Variants in STRADA observed in about 807,000 individuals in gnomAD.
STRADA encodes STE20 related adaptor alpha, also known as STE20-related kinase adapter protein alpha.
A neutral mutation model predicts 55.0 loss-of-function variants in STRADA; 26 were observed. The ratio of observed to expected loss-of-function variants is 0.47; its 90% CI spans 0.35 to 0.66. STRADA has a LOEUF of 0.66. STRADA is among the 30% of genes least tolerant of loss of function. The pLI, the probability that STRADA is intolerant of heterozygous loss-of-function variation, is 0.01. For missense variants in STRADA, 443 were observed against 549.7 expected (o/e 0.81, Z 1.94); for synonymous variants, 197 against 210.9 (o/e 0.93, Z 0.57).
At chr17:63,726,836 GT>G in intron 2 of STRADA, 141 bp from the exon 3 acceptor site, 1 of 743,578 alleles carries the variant, frequency 1.3e-6, no homozygotes, top group Non-Finnish European at 2.2e-6. Context: ...CTATGGAAAA[GT>G]TTTTAACAGA....
At position 63,740,185 on chromosome 17, in the gene STRADA, A is replaced by C. The variant is rs1317609619; in HGVS notation, c.-45+1556T>G. Among the ~76,000 whole-genome samples, 8 of 103,396 alleles carry C rather than the reference A, an allele frequency of 7.7e-5. No homozygotes were observed. The East Asian group carries it at 1.9e-3, about 25-fold the overall frequency. 67.8% of individuals were successfully genotyped at this position (103,396 alleles called of 152,430 possible). A position where few individuals can be genotyped will look rare whatever the true frequency, so the allele number is the denominator to read the frequency against. On this transcript the variant is annotated intron_variant, in intron 1 of 12. Transcript: ENST00000336174. The stretch of plus-strand genomic sequence containing the variant: ...ACACACACACACACACACACACACA[A>C]CAAAGCAATATTACTAGTGGACAGA...
At chr17:63,738,750 C>G (rs533964557) in intron 1 of STRADA, among the ~76,000 whole-genome samples, 2 of 151,792 alleles carry the variant, frequency 1.3e-5, no homozygotes, top group South Asian at 2.1e-4. Flanking sequence ...CTCAGCTACT[C>G]GGGAGACTGA....
chr17:63,715,227 T>C (rs2143941145), intron 4 of STRADA: 1 of 152,314 alleles, frequency 6.6e-6, no homozygotes. Flanking sequence ...CAGAGTATAC[T>C]TTCCAGAGCA....
intron 4 of STRADA, among the ~76,000 whole-genome samples, chr17:63,716,533 C>CA (rs967800207): frequency 3.3e-5 from 5 of 152,128 alleles, no homozygotes; most frequent in Non-Finnish European, 5.9e-5. Context: ...ATTTATCAGT[C>CA]ATGTGAGCGT....
At chr17:63,721,663 G>A (rs2037332938) in intron 4 of STRADA, among the ~76,000 whole-genome samples, 2 of 150,778 alleles carry the variant, frequency 1.3e-5, no homozygotes, top group Non-Finnish European at 2.9e-5. Context: ...GCAGTAAGCC[G>A]AGATCGCACC....
chr17:63,731,371 C>T (rs1453440459), intron 1 of STRADA, among the ~76,000 whole-genome samples: 1 of 150,780 alleles, frequency 6.6e-6, no homozygotes, highest in African/African-American at 2.4e-5. Flanking sequence ...CAAGTGATTC[C>T]CCTGCCTCAG....
chr17:63,727,889 G>A (rs764209744), intron 2 of STRADA: 3 of 152,732 alleles, frequency 2.0e-5, no homozygotes, highest in Non-Finnish European at 2.9e-5. Context: ...TTTATCTGAC[G>A]AAGTTTTGAA....
rs1463725651 is a variant in STRADA, at chr17:63,740,153, C to CATATATAT, written c.-45+1587_-45+1588insATATATAT. Among the ~76,000 whole-genome samples the CATATATAT allele has an allele frequency of 4.3e-4, 37 of 86,282 alleles. 1 individual carries two copies. Among genetic ancestry groups the CATATATAT allele is most frequent in the South Asian group, 1.5e-3 (3 of 1,950 alleles). The allele number at this position is 86,282 out of a possible 152,430, so 56.6% of individuals were successfully genotyped here. A position where few individuals can be genotyped will look rare whatever the true frequency, so the allele number is the denominator to read the frequency against. On this transcript the variant is annotated intron_variant, in intron 1 of 12. Transcript: ENST00000336174. ...ACACATACATATATATATATACACA[C>CATATATAT]ACACACACACACACACACACACACA...
chr17:63,733,637 T>C (rs1026790166), intron 1 of STRADA, among the ~76,000 whole-genome samples: 3 of 152,340 alleles, frequency 2.0e-5, no homozygotes, highest in East Asian at 1.9e-4. Flanking sequence ...CTGGCTGGCA[T>C]TGGGGAACTT....
chr17:63,723,548 A>C, intron 3 of STRADA: 1 of 563,096 alleles, frequency 1.8e-6, no homozygotes, highest in Non-Finnish European at 3.2e-6. Flanking sequence ...TGGTTCTTCA[A>C]AAGGTGGCAA....
intron 1 of STRADA, among the ~76,000 whole-genome samples, chr17:63,729,868 A>C (rs1598251383): frequency 7.0e-6 from 1 of 142,796 alleles, no homozygotes; most frequent in African/African-American, 2.6e-5. Flanking sequence ...ATGGAGTTTC[A>C]CTCTTGTTGC....
chr17:63,741,396 G>A (rs1305439560), intron 1 of STRADA: 1 of 152,310 alleles, frequency 6.6e-6, no homozygotes, highest in African/African-American at 2.4e-5. Flanking sequence ...CCAGGACCGG[G>A]GTCGGCCGCC....
intron 4 of STRADA, among the ~76,000 whole-genome samples, chr17:63,718,349 C>G (rs1266656169): frequency 6.6e-6 from 1 of 152,118 alleles, no homozygotes; most frequent in Admixed American, 6.6e-5. Context: ...AATGGAGCAG[C>G]AATTTGAGCA....
intron 4 of STRADA, among the ~76,000 whole-genome samples, chr17:63,715,794 T>C (rs963552740): frequency 6.6e-6 from 1 of 152,220 alleles, no homozygotes; most frequent in Non-Finnish European, 1.5e-5. Flanking sequence ...GATTTGGCCA[T>C]ATTGTTGTAT....
chr17:63,730,202 C>T (rs763503701), intron 1 of STRADA, among the ~76,000 whole-genome samples: 7 of 152,054 alleles, frequency 4.6e-5, no homozygotes, highest in Non-Finnish European at 1.5e-5. Context: ...TGTTCACTTG[C>T]TTGGTTTCCC....
intron 4 of STRADA, among the ~76,000 whole-genome samples, chr17:63,721,082 G>A (rs901348782): frequency 7.4e-6 from 1 of 136,018 alleles, no homozygotes; most frequent in Admixed American, 7.2e-5. Flanking sequence ...GGCAACAAAA[G>A]TGAAGCTCCG....
chr17:63,715,792 C>A (rs144829887), intron 4 of STRADA, among the ~76,000 whole-genome samples: 1 of 152,238 alleles, frequency 6.6e-6, no homozygotes, highest in Non-Finnish European at 1.5e-5. Context: ...AAGATTTGGC[C>A]ATATTGTTGT....
Position 63,710,852 on chromosome 17 carries a change from A to G in STRADA, c.349-16T>C, listed in dbSNP as rs1283464939. ...GCAGCTCGCCCTGGAAGCAATGATG[A>G]AGCTGAAGTCAGAACCAAATGGCAC... On this transcript the variant is annotated splice_polypyrimidine_tract_variant and intron_variant, in intron 6 of 12. Coordinates refer to ENST00000336174, the MANE Select transcript of STRADA (RefSeq NM_001003787.4). The G allele has an allele frequency of 2.5e-6, 4 of 1,612,832 alleles. No individual in the cohort carries two copies. Among genetic ancestry groups the G allele is most frequent in the Non-Finnish European group, 3.4e-6 (4 of 1,178,906 alleles).
intron 1 of STRADA, among the ~76,000 whole-genome samples, chr17:63,732,440 C>T (rs889406533): frequency 6.6e-6 from 1 of 151,894 alleles, no homozygotes; most frequent in Non-Finnish European, 1.5e-5. Flanking sequence ...CTACCTCAGC[C>T]TTCTGAATAG....
Sources: gnomAD v4.1 joint callset for allele counts (sites outside exome capture counted in the v4.1 genomes callset) on GRCh38, gnomAD v4.1.1 for gene constraint, MANE v1.5 for transcripts, NCBI Gene and HGNC (gene_info 2026-07-23, HGNC 2026-07-21) for gene names.